Variants in DCLK1 observed in about 807,000 individuals in gnomAD.
DCLK1 encodes doublecortin like kinase 1, also known as serine/threonine-protein kinase DCLK1.
Under a neutral mutation model 86.2 loss-of-function variants are expected in DCLK1, and 16 were observed. That is an observed-to-expected ratio of 0.19 (90% CI 0.13 to 0.28). The LOEUF (loss-of-function observed/expected upper bound fraction) is 0.28. Among genes scored for constraint, DCLK1 ranks in the 10% least tolerant of loss-of-function variants. DCLK1 has a pLI of 1.00. For missense variants in DCLK1, 590 were observed against 940.2 expected (o/e 0.63, Z 4.87); for synonymous variants, 369 against 370.5 (o/e 1.00, Z 0.05).
intron 16 of DCLK1, among the ~76,000 whole-genome samples, chr13:35,789,455 G>A (rs929396175): frequency 3.1e-4 from 47 of 152,182 alleles, no homozygotes; most frequent in African/African-American, 1.1e-3. Context: ...CTCTCAGGAA[G>A]ATGAAGGTGT....
intron 3 of DCLK1, among the ~76,000 whole-genome samples, chr13:35,952,896 A>T (rs1877781803): frequency 1.3e-5 from 2 of 152,178 alleles, no homozygotes; most frequent in South Asian, 4.1e-4. Context: ...ATGTGCTGGG[A>T]AAAGTCCTTG....
chr13:35,946,595 C>A (rs1305828475), intron 4 of DCLK1, among the ~76,000 whole-genome samples: 1 of 152,156 alleles, frequency 6.6e-6, no homozygotes, highest in African/African-American at 2.4e-5. Context: ...GCATTTCCAA[C>A]TACGCAGAAT....
At chr13:35,801,083 G>T (rs567299757) in intron 15 of DCLK1, among the ~76,000 whole-genome samples, 1 of 152,200 alleles carries the variant, frequency 6.6e-6, no homozygotes, top group African/African-American at 2.4e-5. Flanking sequence ...AAGCAATAGA[G>T]AAAATTAGAA....
At chr13:36,023,156 G>GATATCTGTAGGGAGAA (rs1233311214) in intron 3 of DCLK1, among the ~76,000 whole-genome samples, 1 of 152,208 alleles carries the variant, frequency 6.6e-6, no homozygotes, top group East Asian at 1.9e-4. Flanking sequence ...TGTAGGGAGA[G>GATATCTGTAGGGAGAA]ATAGATAGAT....
intron 4 of DCLK1, among the ~76,000 whole-genome samples, chr13:35,921,575 T>C (rs887462202): frequency 7.2e-5 from 11 of 152,194 alleles, no homozygotes; most frequent in African/African-American, 2.7e-4. Context: ...TCCTTTAAGG[T>C]CCTGTCCCTA....
At chr13:35,849,979 G>T in intron 6 of DCLK1, 1 of 963,324 alleles carries the variant, frequency 1.0e-6, no homozygotes, top group Non-Finnish European at 1.2e-6. Flanking sequence ...TCTTCATATT[G>T]GCATATAGCT....
At chr13:35,793,875 C>T (rs1210768036) in intron 15 of DCLK1, among the ~76,000 whole-genome samples, 1 of 152,050 alleles carries the variant, frequency 6.6e-6, no homozygotes, top group Non-Finnish European at 1.5e-5. Context: ...CTTAACCCAT[C>T]ATTTAGACCC....
Position 35,854,561 on chromosome 13 carries a change from G to T in DCLK1, c.973C>A (p.Pro325Thr). The change falls in exon 6 of 17, where the codon CCG becomes ACG. Residue 325 changes from proline (P) to threonine (T), a missense_variant. By Grantham distance (38) the Pro-to-Thr change is conservative. Transcript: ENST00000360631. ...GGGCTTGGCGACTTGCCTGAGCGCG[G>T]AGTAGAGAGCTGACTACCAGGGGTT... ...NGTPGSQLST[P>T]RSGKSPSPSP... is the part of the protein sequence containing the mutation. 6.2e-7 allele frequency: 1 copy of T among 1,605,560 alleles called. No homozygotes were observed. The highest frequency in any genetic ancestry group is 8.5e-7 in the Non-Finnish European group (1 of 1,175,222).
At chr13:35,916,896 G>A (rs754147506) in intron 4 of DCLK1, among the ~76,000 whole-genome samples, 8 of 152,158 alleles carry the variant, frequency 5.3e-5, no homozygotes, top group Non-Finnish European at 8.8e-5. Context: ...CTCTCCTGCA[G>A]CAGGTCATAA....
At chr13:36,073,065 C>G (rs922733899) in intron 3 of DCLK1, among the ~76,000 whole-genome samples, 3 of 152,180 alleles carry the variant, frequency 2.0e-5, no homozygotes, top group African/African-American at 7.2e-5. Flanking sequence ...CTTACAGCTA[C>G]TACTTTTTAA....
intron 11 of DCLK1, among the ~76,000 whole-genome samples, chr13:35,814,766 G>C (rs2087231809): frequency 6.6e-6 from 1 of 152,218 alleles, no homozygotes. Context: ...CCAGTATGTA[G>C]TGCTTTCACT....
chr13:36,124,035 A>G (rs1466500908), intron 2 of DCLK1, among the ~76,000 whole-genome samples: 1 of 152,106 alleles, frequency 6.6e-6, no homozygotes, highest in Non-Finnish European at 1.5e-5. Flanking sequence ...CAACCCCCAT[A>G]GATGCTACAC....
chr13:35,878,850 A>G (rs1372557510), intron 4 of DCLK1, among the ~76,000 whole-genome samples: 2 of 152,010 alleles, frequency 1.3e-5, no homozygotes, highest in East Asian at 3.9e-4. Flanking sequence ...CAGTGGCACA[A>G]TCTTGGCTCA....
At chr13:35,960,354 T>A (rs9565707) in intron 3 of DCLK1, among the ~76,000 whole-genome samples, 43,940 of 152,172 alleles carry the variant, frequency 0.29, 7,175 homozygotes, top group East Asian at 0.57. Flanking sequence ...CAGGGCCATT[T>A]AAAACTATTA....
chr13:36,058,597 G>A (rs1883422088), intron 3 of DCLK1, among the ~76,000 whole-genome samples: 1 of 152,182 alleles, frequency 6.6e-6, no homozygotes, highest in Non-Finnish European at 1.5e-5. Flanking sequence ...AAATGGGATT[G>A]CGGCAGCCAG....
At chr13:35,868,158 G>A (rs936567376) in intron 5 of DCLK1, among the ~76,000 whole-genome samples, 1 of 151,926 alleles carries the variant, frequency 6.6e-6, no homozygotes, top group Non-Finnish European at 1.5e-5. Context: ...GAGTAGCTGG[G>A]ACTACAGGCG....
At chr13:36,092,794 C>T (rs1201724892) in intron 3 of DCLK1, among the ~76,000 whole-genome samples, 1 of 152,128 alleles carries the variant, frequency 6.6e-6, no homozygotes, top group South Asian at 2.1e-4. Context: ...CCGCGAGAGG[C>T]GTTTTCTTTC....
intron 16 of DCLK1, among the ~76,000 whole-genome samples, chr13:35,793,106 TTAAA>T (rs2086736445): frequency 6.6e-6 from 1 of 152,152 alleles, no homozygotes; most frequent in Admixed American, 6.6e-5. Flanking sequence ...GTTTTCGGTT[TTAAA>T]TAAATAAATC....
At chr13:35,775,979 C>T (rs1052290299) in intron 16 of DCLK1, among the ~76,000 whole-genome samples, 3 of 152,168 alleles carry the variant, frequency 2.0e-5, no homozygotes, top group Admixed American at 2.0e-4. Flanking sequence ...TTAGGCTGAA[C>T]TGCTCTACTT....
Sources: allele counts gnomAD v4.1 joint callset (sites outside exome capture counted in the v4.1 genomes callset), GRCh38; gene constraint gnomAD v4.1.1; transcripts MANE v1.5; gene names NCBI Gene and HGNC (gene_info 2026-07-23, HGNC 2026-07-21).